Variants in RNF135 observed in about 807,000 individuals in gnomAD.
RNF135 encodes E3 ubiquitin-protein ligase RNF135.
In RNF135, 46 loss-of-function variants were observed where a neutral mutation model predicts 41.9. That is an observed-to-expected ratio of 1.10 (90% CI 0.87 to 1.40). The LOEUF (loss-of-function observed/expected upper bound fraction) is 1.40. RNF135 is among the 40% of genes most tolerant of loss of function. The probability of loss-of-function intolerance (pLI) is 0.00; values close to 1 mark genes in which losing one functional copy is unlikely to be tolerated. For missense variants in RNF135, 539 were observed against 549.8 expected (o/e 0.98, Z 0.20); for synonymous variants, 238 against 223.8 (o/e 1.06, Z -0.57).
chr17:30,964,567 G>A, the RNF135 span, among the ~76,000 whole-genome samples: 1 of 151,972 alleles, frequency 6.6e-6, no homozygotes, highest in Admixed American at 6.6e-5. Flanking sequence ...TTGCGCCAGT[G>A]CACTCCAGCC....
chr17:30,974,773 G>A (rs926295680), intron 1 of RNF135, among the ~76,000 whole-genome samples: 3 of 151,594 alleles, frequency 2.0e-5, no homozygotes, highest in African/African-American at 4.8e-5. Context: ...TCCATCTCCC[G>A]GGTTCAAGTG....
At chr17:30,988,404 A>G (rs1358009479) in intron 3 of RNF135, among the ~76,000 whole-genome samples, 1 of 144,858 alleles carries the variant, frequency 6.9e-6, no homozygotes, top group Non-Finnish European at 1.5e-5. Context: ...ATTCTGAAAT[A>G]GGCCACTTTT....
At chr17:30,997,454 C>A in intron 4 of RNF135, 123 bp downstream of exon 4, 1 of 861,716 alleles carries the variant, frequency 1.2e-6, no homozygotes, top group East Asian at 2.7e-5. Context: ...GGATTTGTTC[C>A]AGGTCCCTCC....
At chr17:30,976,751 A>G (rs1385537150) in intron 1 of RNF135, among the ~76,000 whole-genome samples, 1 of 152,204 alleles carries the variant, frequency 6.6e-6, no homozygotes, top group Non-Finnish European at 1.5e-5. Flanking sequence ...TGATATATGT[A>G]TAGCTAATCC....
chr17:30,962,151 C>T, the RNF135 span, among the ~76,000 whole-genome samples: 2 of 150,214 alleles, frequency 1.3e-5, no homozygotes, highest in African/African-American at 2.4e-5. Context: ...TTTTTTTTCC[C>T]GAGATGGAGT....
chr17:30,997,610 T>A (rs1908449406), intron 4 of RNF135: 1 of 515,256 alleles, frequency 1.9e-6, no homozygotes, highest in Non-Finnish European at 3.9e-6. Flanking sequence ...TATTTCTGCA[T>A]CTGTGCTGTG....
At chr17:30,997,669 C>T in intron 4 of RNF135, 1 of 411,034 alleles carries the variant, frequency 2.4e-6, no homozygotes, top group Non-Finnish European at 4.9e-6. Flanking sequence ...TGAGGTATTT[C>T]TGCCATCTCA....
At chr17:30,972,704 T>C (rs1906100148) in intron 1 of RNF135, 1 of 152,266 alleles carries the variant, frequency 6.6e-6, no homozygotes, top group African/African-American at 2.4e-5. Flanking sequence ...TCATTCATGT[T>C]GTAGCATGTG....
rs1229296082 is a variant in RNF135 at position 30,998,758 on chromosome 17, C to T, written c.866C>T (p.Pro289Leu). 3 of 1,612,994 alleles carry T rather than the reference C, an allele frequency of 1.9e-6. No homozygotes were observed. The highest frequency in any genetic ancestry group is 4.5e-5 in the East Asian group (2 of 44,888). Residue 289 changes from proline to leucine, a missense_variant, in exon 5 of 5, where the codon CCC (proline) becomes CTC (leucine). Transcript: ENST00000328381. ...RTVTVSHRPQPYRWSCERFST... is the reference protein window; with the variant it reads ...RTVTVSHRPQLYRWSCERFST... Reference sequence around the variant, plus strand: ...GTGACTGTGTCTCACCGCCCACAACCCTATCGCTGGAGCTGTGAGAGGTTT... The same window carrying T: ...GTGACTGTGTCTCACCGCCCACAACTCTATCGCTGGAGCTGTGAGAGGTTT...
At chr17:30,977,122 A>G (rs898195258) in intron 1 of RNF135, among the ~76,000 whole-genome samples, 1 of 151,976 alleles carries the variant, frequency 6.6e-6, no homozygotes, top group Non-Finnish European at 1.5e-5. Context: ...TTTTGATTTG[A>G]GGTTACCATG....
intron 1 of RNF135, among the ~76,000 whole-genome samples, chr17:30,980,571 T>C (rs1406006601): frequency 8.1e-6 from 1 of 122,914 alleles, no homozygotes; most frequent in African/African-American, 3.2e-5. Flanking sequence ...CCAGACGGGG[T>C]GGTTGCCGGA....
intron 1 of RNF135, chr17:30,972,318 T>C (rs1393015889): frequency 1.3e-5 from 2 of 150,990 alleles, no homozygotes; most frequent in Non-Finnish European, 2.9e-5. Context: ...TTCACCGTTG[T>C]TAGCCAGGAT....
intron 1 of RNF135, among the ~76,000 whole-genome samples, chr17:30,983,353 A>ATATATTT (rs1420453160): frequency 8.4e-5 from 3 of 35,736 alleles, no homozygotes; most frequent in Non-Finnish European, 1.1e-4. Context: ...ATATATATAT[A>ATATATTT]TTTTTTTTTT....
chr17:30,969,760 T>C (rs914619552), upstream of RNF135, among the ~76,000 whole-genome samples: 1 of 126,000 alleles, frequency 7.9e-6, no homozygotes, highest in Non-Finnish European at 1.7e-5. Flanking sequence ...CTTTTTTTTC[T>C]TTTTTTTTTT....
chr17:30,981,839 G>C (rs1198160376), intron 1 of RNF135, among the ~76,000 whole-genome samples: 1 of 152,226 alleles, frequency 6.6e-6, no homozygotes, highest in Non-Finnish European at 1.5e-5. Context: ...ATAAGATCCA[G>C]AAGAATTATC....
At chr17:30,970,385 TA>T (rs1310813088), upstream of RNF135, 2 of 152,124 alleles carry the variant, frequency 1.3e-5, no homozygotes, top group African/African-American at 4.8e-5. Context: ...CAGAAGGCGG[TA>T]AGGACACAGC....
the RNF135 span, among the ~76,000 whole-genome samples, chr17:30,963,431 AATT>A: frequency 6.6e-6 from 1 of 151,824 alleles, no homozygotes; most frequent in African/African-American, 2.4e-5. Flanking sequence ...AAATACAACA[AATT>A]AGCCGGGTGT....
intron 1 of RNF135, among the ~76,000 whole-genome samples, chr17:30,974,667 TTTATTATTA>T (rs202241847): frequency 6.6e-6 from 1 of 150,612 alleles, no homozygotes; most frequent in Non-Finnish European, 1.5e-5. Flanking sequence ...GTTATTCCTT[TTTATTATTA>T]TTATTATTAT....
the RNF135 span, among the ~76,000 whole-genome samples, chr17:30,964,381 C>T: frequency 2.0e-5 from 2 of 97,856 alleles, no homozygotes; most frequent in Admixed American, 2.9e-4. Flanking sequence ...AAGAGTGAGA[C>T]TTCATCTCAA....
Sources: gnomAD v4.1 joint callset for allele counts (sites outside exome capture counted in the v4.1 genomes callset) on GRCh38, gnomAD v4.1.1 for gene constraint, MANE v1.5 for transcripts, NCBI Gene and HGNC (gene_info 2026-07-23, HGNC 2026-07-21) for gene names.